The following MSH6 variants were observed in gnomAD, a reference collection of about 807,000 sequenced individuals.
The protein encoded by MSH6 is DNA mismatch repair protein Msh6.
MSH6 carries 85 observed loss-of-function variants against 119.1 expected under a neutral mutation model. The observed-to-expected ratio is 0.71, with a 90% CI of 0.60 to 0.85. The LOEUF (loss-of-function observed/expected upper bound fraction) is 0.85, where lower values mean the gene tolerates loss of function less well. Ranked by LOEUF, MSH6 falls within the 40% of genes least tolerant of loss-of-function variation. The pLI, the probability that MSH6 is intolerant of heterozygous loss-of-function variation, is 0.00. For synonymous variants in MSH6, 830 were observed against 586.9 expected (o/e 1.41, Z -5.99); for missense variants, 2,163 against 1,655.3 (o/e 1.31, Z -5.32).
intron 2 of MSH6, among the ~76,000 whole-genome samples, chr2:47,794,989 T>C (rs774896061): frequency 1.3e-5 from 2 of 152,114 alleles, no homozygotes; most frequent in Admixed American, 6.6e-5. Context: ...GAGATGGGGT[T>C]TCACCATATT....
At chr2:47,791,477 A>T (rs1668726652) in intron 2 of MSH6, among the ~76,000 whole-genome samples, 1 of 152,102 alleles carries the variant, frequency 6.6e-6, no homozygotes, top group Admixed American at 6.6e-5. Context: ...CTAGGGAAAG[A>T]TGGAGATGCG....
rs587779930 is a variant in MSH6, at chr2:47,801,083, C to A, written c.3100C>A (p.Arg1034=). 6.2e-7 allele frequency: 1 copy of A among 1,610,340 alleles called. No homozygotes were observed. Among genetic ancestry groups the A allele is most frequent in the East Asian group, 2.2e-5 (1 of 44,866 alleles). The change falls in exon 4 of 10, where the codon CGG becomes AGG. Residue 1034 remains arginine (R), a synonymous_variant. Transcript: ENST00000234420. ...GGATGTATCATTGAAGGACTGCATG[C>A]GGCGACTGTTCTATAACTTTGATAA... ...RRDVSLKDCM[R]RLFYNFDKNY...
intron 1 of MSH6, 140 bp downstream of exon 1, chr2:47,783,633 C>T (rs1038780929): frequency 5.9e-6 from 5 of 851,712 alleles, no homozygotes; most frequent in Non-Finnish European, 6.7e-6. Flanking sequence ...GCAGAGTTGG[C>T]TTGAATGAGT....
chr2:47,807,907 T>C (rs929502628), downstream of MSH6: 1 of 502,864 alleles, frequency 2.0e-6, no homozygotes, highest in African/African-American at 1.9e-5. Flanking sequence ...CTTTACACAG[T>C]AATGCTAAAA....
rs2104564078 is a variant in MSH6 at position 47,806,600 on chromosome 2, A to G, written c.3950A>G (p.His1317Arg). The change falls in exon 9 of 10, where the codon CAT becomes CGT. Residue 1317 changes from histidine (H) to arginine (R), a missense_variant. Transcript: ENST00000234420. The stretch of plus-strand genomic sequence containing the variant: ...CCAGAGGAAGTTATTCAAAAGGGAC[A>G]TAGAAAAGCAAGAGAATTTGAGAAG... ...NLPEEVIQKG[H>R]RKAREFEKMN... 1 of 1,613,332 alleles carries G rather than the reference A, an allele frequency of 6.2e-7. No individual in the cohort carries two copies. Among genetic ancestry groups the G allele is most frequent in the Non-Finnish European group, 8.5e-7 (1 of 1,179,814 alleles).
chr2:47,788,929 T>TTTTTTTTTTTTTTTTTTTTG (rs1668549654), intron 1 of MSH6, among the ~76,000 whole-genome samples: 1 of 92,602 alleles, frequency 1.1e-5, no homozygotes, highest in Admixed American at 1.0e-4. Flanking sequence ...TTTGTTTTTT[T>TTTTTTTTTTTTTTTTTTTTG]TTTTTTTTTT....
At chr2:47,790,037 GT>G (rs1342787627) in intron 1 of MSH6, among the ~76,000 whole-genome samples, 4 of 152,092 alleles carry the variant, frequency 2.6e-5, no homozygotes, top group Non-Finnish European at 5.9e-5. Flanking sequence ...ATCTAGGTTG[GT>G]TGAATCTGGA....
At chr2:47,788,235 ATTCTTTCT>A (rs1169738471) in intron 1 of MSH6, among the ~76,000 whole-genome samples, 2 of 101,952 alleles carry the variant, frequency 2.0e-5, no homozygotes, top group Admixed American at 1.0e-4. Context: ...CTTTTCTTTC[ATTCTTTCT>A]TTCTTTTTTT....
In MSH6 at chr2:47,805,543, A is replaced by G. The variant is rs541136413; in HGVS notation, c.3557-75A>G. 16 of 981,478 alleles carry G rather than the reference A, an allele frequency of 1.6e-5. No homozygotes were observed. The African/African-American group carries it at 2.1e-4, about 13-fold the overall frequency. 60.8% of individuals were successfully genotyped at this position (981,478 alleles called of 1,614,324 possible). On this transcript the variant is annotated intron_variant, in intron 6 of 9. Transcript: ENST00000234420. ...CCAATATGTGTAGCTCATGATAGCT[A>G]TATAACCTAGAAGATGAATTTATGT...
chr2:47,789,613 C>G (rs1368723437), intron 1 of MSH6, among the ~76,000 whole-genome samples: 5 of 152,298 alleles, frequency 3.3e-5, no homozygotes, highest in African/African-American at 4.8e-5. Context: ...ACTAAAGTTA[C>G]AGTCCTCCCT....
At chr2:47,808,455 T>TC (rs1368926961), downstream of MSH6, 5 of 1,543,230 alleles carry the variant, frequency 3.2e-6, no homozygotes, top group African/African-American at 1.4e-5. Flanking sequence ...AAATTACTTT[T>TC]CTCAAACATG....
rs34014629 is a variant in MSH6, at chr2:47,783,357, C to T, written c.124C>T (p.Pro42Ser). The change falls in exon 1 of 10, where the codon CCT becomes TCT. Residue 42 changes from proline to serine, a missense_variant. Transcript: ENST00000234420. ...TGCCGCCGCTGCCCCCGGGGCCTCT[C>T]CTTCCCCAGGCGGGGATGCGGCCTG... is the stretch of plus-strand genomic sequence containing the variant. ...GRAAAAPGASPSPGGDAAWSE... is the reference protein window; with the variant it reads ...GRAAAAPGASSSPGGDAAWSE... The T allele has an allele frequency of 1.1e-4, 172 of 1,607,104 alleles. No homozygotes were observed. In the African/African-American group the frequency reaches 2.1e-3, roughly 19 times the overall value.
At chr2:47,808,877 T>A, downstream of MSH6, 1 of 305,448 alleles carries the variant, frequency 3.3e-6, no homozygotes, top group Non-Finnish European at 6.0e-6. Context: ...TGTTTTGTTT[T>A]GTAGAGACAG....
rs749800983 is a variant in MSH6 at position 47,799,132 on chromosome 2, G to A, written c.1149G>A (p.Arg383=). ...LKEEKRRDEH[R]RRPDHPDFDA... Reference sequence around the variant, plus strand: ...AGGAAAAGAGAAGAGATGAGCACAGGAGGAGGCCTGATCACCCCGATTTTG... The same window carrying A: ...AGGAAAAGAGAAGAGATGAGCACAGAAGGAGGCCTGATCACCCCGATTTTG... The change falls in exon 4 of 10, where the codon AGG becomes AGA. Residue 383 remains arginine (R), a synonymous_variant. Coordinates refer to ENST00000234420, the MANE Select transcript of MSH6 (RefSeq NM_000179.3). 1 of 1,614,138 alleles carries A rather than the reference G, an allele frequency of 6.2e-7. No homozygotes were observed.
intron 1 of MSH6, among the ~76,000 whole-genome samples, chr2:47,788,981 A>G (rs1253604950): frequency 8.7e-6 from 1 of 115,006 alleles, no homozygotes; most frequent in African/African-American, 3.5e-5. Flanking sequence ...GCTGGAATGC[A>G]GTGGCGTTTT....
At chr2:47,786,006 C>T (rs930553919) in intron 1 of MSH6, among the ~76,000 whole-genome samples, 1 of 152,152 alleles carries the variant, frequency 6.6e-6, no homozygotes, top group Non-Finnish European at 1.5e-5. Context: ...CAGCATTAGG[C>T]ATTATGGATC....
rs730881793 is a variant in MSH6 at position 47,799,827 on chromosome 2, G to T, written c.1844G>T (p.Cys615Phe). 6.2e-6 allele frequency: 10 copies of T among 1,614,058 alleles called. No homozygotes were observed. In the Middle Eastern group the frequency reaches 6.6e-4, roughly 106 times the overall value. ...TKTILKSSLS[C>F]SLQEGLIPGS... ...ACAATTCTAAAGAGTTCATTGTCCT[G>T]TTCTCTTCAGGAAGGTCTGATACCC... Residue 615 changes from cysteine to phenylalanine, a missense_variant, in exon 4 of 10, where the codon TGT becomes TTT. Physicochemically the swap from Cys to Phe is radical, Grantham distance 205 (BLOSUM62 -2). Coordinates refer to ENST00000234420, the MANE Select transcript of MSH6 (RefSeq NM_000179.3).
At chr2:47,805,516 TACCAA>T in intron 6 of MSH6, 97 bp from the exon 7 acceptor site, 1 of 840,242 alleles carries the variant, frequency 1.2e-6, no homozygotes, top group East Asian at 2.4e-5. Flanking sequence ...TAATCTTTTA[TACCAA>T]TATGTGTAGC....
intron 1 of MSH6, chr2:47,789,474 T>G (rs771056993): frequency 3.3e-5 from 15 of 455,836 alleles, no homozygotes; most frequent in Non-Finnish European, 6.3e-5. Flanking sequence ...TTTTTTTAAT[T>G]GCTTGCTTAG....
Sources: gnomAD v4.1 joint callset for allele counts (sites outside exome capture counted in the v4.1 genomes callset) on GRCh38, gnomAD v4.1.1 for gene constraint, MANE v1.5 for transcripts, NCBI Gene and HGNC (gene_info 2026-07-23, HGNC 2026-07-21) for gene names.